Variants in B4GALNT3 observed in about 807,000 individuals in gnomAD.
B4GALNT3 encodes the protein beta-1,4-N-acetylgalactosaminyltransferase 3.
A neutral mutation model predicts 120.2 loss-of-function variants in B4GALNT3; 86 were observed. That is an observed-to-expected ratio of 0.72 (90% CI 0.60 to 0.86). B4GALNT3 has a LOEUF of 0.86. Among genes scored for constraint, B4GALNT3 ranks in the 40% least tolerant of loss-of-function variants. B4GALNT3 has a pLI of 0.00. For missense variants in B4GALNT3, 1,167 were observed against 1,298.9 expected, an observed-to-expected ratio of 0.90 and a Z score of 1.56; for synonymous variants, 518 against 510.4, an observed-to-expected ratio of 1.01 and a Z score of -0.20.
chr12:560,376 C>T (rs970338571), intron 19 of B4GALNT3, among the ~76,000 whole-genome samples: 47 of 152,184 alleles, frequency 3.1e-4, no homozygotes, highest in African/African-American at 7.2e-4. Context: ...TCCGTTACCT[C>T]GTTTATTTCT....
At chr12:540,834 T>C (rs1037361709) in intron 3 of B4GALNT3, among the ~76,000 whole-genome samples, 4 of 152,002 alleles carry the variant, frequency 2.6e-5, no homozygotes, top group African/African-American at 7.2e-5. Context: ...ACCTCCGCCT[T>C]CCGGGTTCAC....
intron 1 of B4GALNT3, among the ~76,000 whole-genome samples, chr12:511,406 T>G (rs1289923418): frequency 1.4e-5 from 1 of 70,758 alleles, no homozygotes; most frequent in African/African-American, 6.3e-5. Flanking sequence ...TCTTCCACCT[T>G]CCTTCCACCT....
intron 1 of B4GALNT3, among the ~76,000 whole-genome samples, chr12:525,454 C>T (rs961836477): frequency 6.6e-6 from 1 of 152,210 alleles, no homozygotes; most frequent in Non-Finnish European, 1.5e-5. Flanking sequence ...CTCCTCCTGT[C>T]TCCGTTGCTG....
chr12:552,500 G>A lies in B4GALNT3; in HGVS notation c.1242G>A (p.Gln414=). 1 of 1,613,938 alleles carries A rather than the reference G, an allele frequency of 6.2e-7. No individual in the cohort carries two copies. The highest frequency in any genetic ancestry group is 8.5e-7 in the Non-Finnish European group (1 of 1,180,010). ...TTCAGGAGTACATCAAGATTGACCA[G>A]CCTGAGAAGCAGGGGCTGGAGCAGC... The part of the protein sequence containing the change: ...FSFQEYIKID[Q]PEKQGLEQPG... The change falls in exon 13 of 20, where the codon CAG becomes CAA. Residue 414 remains glutamine (Q), a synonymous_variant. Transcript: ENST00000266383.
chr12:560,972 A>AGT (rs1947223907), intron 19 of B4GALNT3, among the ~76,000 whole-genome samples: 1 of 152,200 alleles, frequency 6.6e-6, no homozygotes, highest in Non-Finnish European at 1.5e-5. Flanking sequence ...GGGCACTCAG[A>AGT]GTGTGCCAGG....
At chr12:545,064 A>G in intron 5 of B4GALNT3, 92 bp downstream of exon 5, 1 of 1,515,636 alleles carries the variant, frequency 6.6e-7, no homozygotes, top group Non-Finnish European at 8.9e-7. Context: ...GGTAGACTGG[A>G]CTAACTTCCT....
intron 1 of B4GALNT3, among the ~76,000 whole-genome samples, chr12:524,231 A>G (rs1442934965): frequency 1.3e-5 from 2 of 152,244 alleles, no homozygotes; most frequent in Non-Finnish European, 2.9e-5. Context: ...CTTGAAGAAC[A>G]AAGTTACTGT....
rs386375353 is a variant in B4GALNT3, at chr12:474,947, CAAAAAAAAAAAA to C, written c.169+14411_169+14422del. Among the ~76,000 whole-genome samples the C allele has an allele frequency of 4.8e-3, 291 of 60,620 alleles. 5 individuals are homozygous for C. The highest frequency in any genetic ancestry group is 0.02 in the African/African-American group (269 of 13,318). 39.8% of individuals were successfully genotyped at this position (60,620 alleles called of 152,430 possible). ...TGGGTGACAGAGGGAGACCTTGTCTCAAAAAAAAAAAAAAAAAAAAGCCAAGTGTGGTGGTGC... is the reference window on the plus strand; with the variant it reads ...TGGGTGACAGAGGGAGACCTTGTCTCAAAAAAAAGCCAAGTGTGGTGGTGC... On this transcript the variant is annotated intron_variant, in intron 1 of 19. Coordinates refer to ENST00000266383, the MANE Select transcript of B4GALNT3 (RefSeq NM_173593.4).
At chr12:484,451 C>G (rs568919854) in intron 1 of B4GALNT3, among the ~76,000 whole-genome samples, 1 of 152,302 alleles carries the variant, frequency 6.6e-6, no homozygotes, top group South Asian at 2.1e-4. Context: ...CCTGGCTGCA[C>G]ACTGGAGTAC....
At chr12:485,675 G>A (rs187113873) in intron 1 of B4GALNT3, among the ~76,000 whole-genome samples, 54 of 152,246 alleles carry the variant, frequency 3.5e-4, no homozygotes, top group Admixed American at 2.9e-3. Flanking sequence ...ATGATTTATC[G>A]ACACTCACGG....
At chr12:525,086 T>TTTTATTTATTTGTTTA in intron 1 of B4GALNT3, among the ~76,000 whole-genome samples, 1 of 130,616 alleles carries the variant, frequency 7.7e-6, no homozygotes. Flanking sequence ...AATAACACAA[T>TTTTATTTATTTGTTTA]TTTATTTATT....
intron 1 of B4GALNT3, among the ~76,000 whole-genome samples, chr12:496,039 A>G (rs1221325316): frequency 6.6e-6 from 1 of 152,122 alleles, no homozygotes; most frequent in Non-Finnish European, 1.5e-5. Context: ...GGGTACATAA[A>G]AGGTTGGAAT....
At chr12:476,710 TAA>T (rs1318444635) in intron 1 of B4GALNT3, among the ~76,000 whole-genome samples, 2 of 152,240 alleles carry the variant, frequency 1.3e-5, no homozygotes, top group African/African-American at 4.8e-5. Flanking sequence ...TTGTTTATTA[TAA>T]CTTAATCAGC....
rs763966908 is a variant in B4GALNT3, at chr12:544,958, AC to A, written c.528del (p.Phe177LeufsTer20). The A allele has an allele frequency of 1.2e-6, 2 of 1,613,750 alleles. No homozygotes were observed. Among genetic ancestry groups the A allele is most frequent in the Non-Finnish European group, 1.7e-6 (2 of 1,179,918 alleles). On this transcript the variant is annotated frameshift_variant, in exon 5 of 20. Coordinates refer to ENST00000266383, the MANE Select transcript of B4GALNT3 (RefSeq NM_173593.4). LOFTEE classifies it high-confidence loss of function. ...GGCCTCCGCATCTTTGGCTACCTGC[AC>A]CCCTTTACTGATGGTGAGGCCAGCC... ...NYGLRIFGYL[H>X]PFTDGKIQFA...
At chr12:504,971 A>G (rs7957844) in intron 1 of B4GALNT3, among the ~76,000 whole-genome samples, 37,761 of 151,168 alleles carry the variant, frequency 0.25, 6,651 homozygotes, top group African/African-American at 0.46. Context: ...GCTCACTGCA[A>G]CCTCCGCCTC....
At chr12:515,193 T>C (rs973118803) in intron 1 of B4GALNT3, among the ~76,000 whole-genome samples, 3 of 151,950 alleles carry the variant, frequency 2.0e-5, no homozygotes, top group African/African-American at 7.3e-5. Context: ...TTGTTGTCGT[T>C]GTTGTTGTTT....
intron 3 of B4GALNT3, among the ~76,000 whole-genome samples, chr12:536,991 A>G (rs1946867747): frequency 6.6e-6 from 1 of 152,220 alleles, no homozygotes; most frequent in South Asian, 2.1e-4. Context: ...ATAATATACT[A>G]CCTTGCCTTC....
At chr12:470,825 G>A (rs796829332) in intron 1 of B4GALNT3, among the ~76,000 whole-genome samples, 12 of 152,050 alleles carry the variant, frequency 7.9e-5, no homozygotes, top group African/African-American at 2.9e-4. Context: ...TCTAACCTAC[G>A]TCCCCCAGGT....
intron 14 of B4GALNT3, chr12:555,328 G>A (rs71447498): frequency 0.08 from 36,365 of 456,358 alleles, 1,775 homozygotes; most frequent in Non-Finnish European, 0.097. Flanking sequence ...TTATGCAAAT[G>A]GAACCATGTA....
Sources: gnomAD v4.1 joint callset for allele counts (sites outside exome capture counted in the v4.1 genomes callset) on GRCh38, gnomAD v4.1.1 for gene constraint, MANE v1.5 for transcripts, NCBI Gene and HGNC (gene_info 2026-07-23, HGNC 2026-07-21) for gene names.